CLEC11A: variants seen among roughly 807,000 people sequenced by gnomAD.
CLEC11A encodes the protein C-type lectin domain family 11 member A.
CLEC11A carries 35 observed loss-of-function variants against 33.9 expected under a neutral mutation model. The observed-to-expected ratio is 1.03, with a 90% CI of 0.79 to 1.37. The LOEUF (loss-of-function observed/expected upper bound fraction) is 1.37, where lower values mean the gene tolerates loss of function less well. Ranked by LOEUF, CLEC11A falls within the 40% of genes most tolerant of loss-of-function variation. The probability of loss-of-function intolerance (pLI) is 0.00; values close to 1 mark genes in which losing one functional copy is unlikely to be tolerated. For synonymous variants in CLEC11A, 220 were observed against 202.2 expected, an observed-to-expected ratio of 1.09 and a Z score of -0.75; for missense variants, 519 against 455.5, an observed-to-expected ratio of 1.14 and a Z score of -1.27.
rs1476620489 is a variant in CLEC11A at position 50,724,119 on chromosome 19, A to G, written c.334+28A>G. On this transcript the variant is annotated intron_variant, in intron 2 of 3. Coordinates refer to ENST00000250340, the MANE Select transcript of CLEC11A (RefSeq NM_002975.3). This position sits in a 1 kb window ranked among gnomAD's most constrained non-coding sequence, Gnocchi z 4.1. ...GAGTAACCAGAAGCCCTCACCCCCA[A>G]ACTCCTAGGCCGCCGCGGTCACTTT... is the stretch of plus-strand genomic sequence containing the variant. 1 of 1,608,986 alleles carries G rather than the reference A, an allele frequency of 6.2e-7. No individual in the cohort carries two copies. The highest frequency in any genetic ancestry group is 1.7e-5 in the Admixed American group (1 of 57,858).
At position 50,725,150 on chromosome 19, in the gene CLEC11A, C is replaced by G. The variant is rs2089175888; in HGVS notation, c.655C>G (p.Gln219Glu). The G allele has an allele frequency of 6.4e-7, 1 of 1,560,022 alleles. No individual in the cohort carries two copies. Among genetic ancestry groups the G allele is most frequent in the Non-Finnish European group, 8.7e-7 (1 of 1,154,198 alleles). The change falls in exon 4 of 4, where the codon CAG becomes GAG. Residue 219 changes from glutamine (Q) to glutamate (E), a missense_variant. By Grantham distance (29) the Gln-to-Glu change is conservative. Transcript: ENST00000250340. ...GSLAQPADRQ[Q>E]MEALTRYLRA... ...CCTGGCGCAGCCGGCAGACCGCCAGCAGATGGAGGCGCTCACTCGGTACCT... is the reference window on the plus strand; with the variant it reads ...CCTGGCGCAGCCGGCAGACCGCCAGGAGATGGAGGCGCTCACTCGGTACCT...
chr19:50,724,738 A>G lies in CLEC11A; in HGVS notation c.526+137A>G. 8.4e-7 allele frequency: 1 copy of G among 1,194,062 alleles called. No homozygotes were observed. The allele number at this position is 1,194,062 out of a possible 1,614,324, so 74.0% of individuals were successfully genotyped here. A position where few individuals can be genotyped will look rare whatever the true frequency, so the allele number is the denominator to read the frequency against. On this transcript the variant is annotated intron_variant, in intron 3 of 3. Transcript: ENST00000250340. The surrounding 1 kb of genome is among the most constrained non-coding windows in gnomAD (Gnocchi z 4.1). ...TGTGTGCTAGCGGACGGGGTTAGAG[A>G]GCTGGGAGGCTGAATGCAGGGAGCG...
At position 50,725,082 on chromosome 19, in the gene CLEC11A, C is replaced by G. The variant is rs1403152315; in HGVS notation, c.587C>G (p.Ala196Gly). The part of the protein sequence containing the change: ...KCFLLSRDFE[A>G]QAAAQARCTA... ...TTCCTGCTCTCGCGCGACTTCGAAG[C>G]TCAGGCGGCGGCGCAGGCGCGGTGC... Residue 196 changes from alanine to glycine, a missense_variant, in exon 4 of 4, where the codon GCT (alanine) becomes GGT (glycine). By Grantham distance (60) the Ala-to-Gly change is moderately conservative. Transcript: ENST00000250340. 1 of 1,521,560 alleles carries G rather than the reference C, an allele frequency of 6.6e-7. No homozygotes were observed. The highest frequency in any genetic ancestry group is 8.8e-7 in the Non-Finnish European group (1 of 1,136,830). 94.3% of individuals were successfully genotyped at this position (1,521,560 alleles called of 1,614,324 possible).
Position 50,723,389 on chromosome 19 carries a change from G to A in CLEC11A, c.-137G>A, listed in dbSNP as rs1599880074. On this transcript the variant is annotated 5_prime_UTR_variant, in exon 1 of 4. Transcript: ENST00000250340. This position sits in a 1 kb window ranked among gnomAD's most constrained non-coding sequence, Gnocchi z 4.1. ...AGAGACGAGGAGAGGAACAGGAAGA[G>A]AGAAGCTGGGAGAATCGGGAACCTG... 1.2e-6 allele frequency: 1 copy of A among 821,506 alleles called. No individual in the cohort carries two copies. Among genetic ancestry groups the A allele is most frequent in the Non-Finnish European group, 2.0e-6 (1 of 498,852 alleles). 50.9% of individuals were successfully genotyped at this position (821,506 alleles called of 1,614,324 possible). A position where few individuals can be genotyped will look rare whatever the true frequency, so the allele number is the denominator to read the frequency against.
Position 50,724,337 on chromosome 19 carries a change from A to G in CLEC11A, c.335-73A>G. The G allele has an allele frequency of 3.6e-6, 3 of 843,254 alleles. No individual in the cohort carries two copies. Among genetic ancestry groups the G allele is most frequent in the Non-Finnish European group, 3.2e-6 (2 of 634,698 alleles). The allele number at this position is 843,254 out of a possible 1,614,324, so 52.2% of individuals were successfully genotyped here. ...CCCGCCCTCAGGAGCCCTAGATCCC[A>G]GTTCTCCAGGTCCTCAGGCCCCCCG... is the stretch of plus-strand genomic sequence containing the variant. On this transcript the variant is annotated intron_variant, in intron 2 of 3. Transcript: ENST00000250340. This position sits in a 1 kb window ranked among gnomAD's most constrained non-coding sequence, Gnocchi z 4.1.
chr19:50,724,688 G>C lies in CLEC11A; in HGVS notation c.526+87G>C, dbSNP rs1195741806. 7.7e-7 allele frequency: 1 copy of C among 1,303,096 alleles called. No homozygotes were observed. The highest frequency in any genetic ancestry group is 1.6e-5 in the African/African-American group (1 of 63,986). The allele number at this position is 1,303,096 out of a possible 1,614,324, so 80.7% of individuals were successfully genotyped here. A position where few individuals can be genotyped will look rare whatever the true frequency, so the allele number is the denominator to read the frequency against. The stretch of plus-strand genomic sequence containing the variant: ...TTGAGAAGGTGACCCTAGGTGTCCG[G>C]GGCGGGAGAGTTCGGGAGAGCTGCT... On this transcript the variant is annotated intron_variant, in intron 3 of 3. Coordinates refer to ENST00000250340, the MANE Select transcript of CLEC11A (RefSeq NM_002975.3). This position sits in a 1 kb window ranked among gnomAD's most constrained non-coding sequence, Gnocchi z 4.1.
chr19:50,724,765 G>A lies in CLEC11A; in HGVS notation c.526+164G>A, dbSNP rs938549357. On this transcript the variant is annotated intron_variant, in intron 3 of 3. Coordinates refer to ENST00000250340, the MANE Select transcript of CLEC11A (RefSeq NM_002975.3). This position sits in a 1 kb window ranked among gnomAD's most constrained non-coding sequence, Gnocchi z 4.1. ...CTGGGAGGCTGAATGCAGGGAGCGG[G>A]TGGGCACTCCAGACCCGCGCGGACC... is the stretch of plus-strand genomic sequence containing the variant. Among the ~76,000 whole-genome samples the A allele has an allele frequency of 2.0e-5, 3 of 152,038 alleles. No homozygotes were observed. Among genetic ancestry groups the A allele is most frequent in the East Asian group, 1.9e-4 (1 of 5,148 alleles).
Position 50,725,473 on chromosome 19 carries a change from C to T in CLEC11A, c.*6C>T, listed in dbSNP as rs761384041. Reference sequence around the variant, plus strand: ...TCTGCGAGTTCCCCTTCTAGCGGGGCCGGTACCCCGCCTCCCTGCCCATCC... The same window carrying T: ...TCTGCGAGTTCCCCTTCTAGCGGGGTCGGTACCCCGCCTCCCTGCCCATCC... On this transcript the variant is annotated 3_prime_UTR_variant, in exon 4 of 4. Coordinates refer to ENST00000250340, the MANE Select transcript of CLEC11A (RefSeq NM_002975.3). The T allele has an allele frequency of 5.1e-6, 8 of 1,582,560 alleles. No individual in the cohort carries two copies. Among genetic ancestry groups the T allele is most frequent in the African/African-American group, 1.4e-5 (1 of 74,064 alleles).
chr19:50,725,613 C>A lies in CLEC11A; in HGVS notation c.*146C>A. On this transcript the variant is annotated 3_prime_UTR_variant, in exon 4 of 4. Transcript: ENST00000250340. ...CCCAGTCTGGGCGCTTCTGGGAGGGCTCTTGCGGTGCCGGCACTCCTCCTT... is the reference window on the plus strand; with the variant it reads ...CCCAGTCTGGGCGCTTCTGGGAGGGATCTTGCGGTGCCGGCACTCCTCCTT... 1.4e-6 allele frequency: 2 copies of A among 1,379,736 alleles called. No individual in the cohort carries two copies. The highest frequency in any genetic ancestry group is 1.9e-6 in the Non-Finnish European group (2 of 1,043,008). 85.5% of individuals were successfully genotyped at this position (1,379,736 alleles called of 1,614,324 possible).
rs539869530 is a variant in CLEC11A at position 50,723,475 on chromosome 19, C to G, written c.-51C>G. ...GGCAGTTCCCAGAGGCCACCCCTCC[C>G]ACCCCAGACATCCAGACATCTGGAA... On this transcript the variant is annotated 5_prime_UTR_variant, in exon 1 of 4. Coordinates refer to ENST00000250340, the MANE Select transcript of CLEC11A (RefSeq NM_002975.3). This position sits in a 1 kb window ranked among gnomAD's most constrained non-coding sequence, Gnocchi z 4.1. The G allele has an allele frequency of 3.7e-5, 60 of 1,606,252 alleles. No homozygotes were observed. Among genetic ancestry groups the G allele is most frequent in the Non-Finnish European group, 4.9e-5 (58 of 1,175,532 alleles).
In CLEC11A at chr19:50,724,833, G is replaced by T; in HGVS notation, c.527-189G>T. On this transcript the variant is annotated intron_variant, in intron 3 of 3. Transcript: ENST00000250340. The surrounding 1 kb of genome is among the most constrained non-coding windows in gnomAD (Gnocchi z 4.1). ...CGCCCCCTACAGTCCAGCTCCCACCGCCTGGCCCCGCCCCTGGCGGACCAG... is the reference window on the plus strand; with the variant it reads ...CGCCCCCTACAGTCCAGCTCCCACCTCCTGGCCCCGCCCCTGGCGGACCAG... 3 of 1,376,714 alleles carry T rather than the reference G, an allele frequency of 2.2e-6. No homozygotes were observed. In the South Asian group the frequency reaches 4.8e-5, roughly 22 times the overall value. The allele number at this position is 1,376,714 out of a possible 1,614,324, so 85.3% of individuals were successfully genotyped here.
In CLEC11A at chr19:50,723,391, G is replaced by A; in HGVS notation, c.-135G>A. 3.6e-6 allele frequency: 3 copies of A among 833,356 alleles called. No homozygotes were observed. Among genetic ancestry groups the A allele is most frequent in the Non-Finnish European group, 5.9e-6 (3 of 508,750 alleles). The allele number at this position is 833,356 out of a possible 1,614,324, so 51.6% of individuals were successfully genotyped here. On this transcript the variant is annotated 5_prime_UTR_variant, in exon 1 of 4. Coordinates refer to ENST00000250340, the MANE Select transcript of CLEC11A (RefSeq NM_002975.3). The surrounding 1 kb of genome is among the most constrained non-coding windows in gnomAD (Gnocchi z 4.1). Reference sequence around the variant, plus strand: ...AGACGAGGAGAGGAACAGGAAGAGAGAAGCTGGGAGAATCGGGAACCTGGG... The same window carrying A: ...AGACGAGGAGAGGAACAGGAAGAGAAAAGCTGGGAGAATCGGGAACCTGGG...
chr19:50,725,326 C>A lies in CLEC11A; in HGVS notation c.831C>A (p.Ser277Arg), dbSNP rs1234128094. ...SPRPELGAQPSASPHPLSPDQ... is the reference protein window; with the variant it reads ...SPRPELGAQPRASPHPLSPDQ... ...GCCCCGAGCTCGGCGCCCAGCCCAG[C>A]GCCTCGCCGCATCCGCTCAGCCCGG... Residue 277 changes from serine (S) to arginine (R), a missense_variant, in exon 4 of 4, where the codon AGC becomes AGA. Physicochemically the swap from Ser to Arg is moderately radical, Grantham distance 110. Coordinates refer to ENST00000250340, the MANE Select transcript of CLEC11A (RefSeq NM_002975.3). 23 of 1,611,968 alleles carry A rather than the reference C, an allele frequency of 1.4e-5. No homozygotes were observed. Among genetic ancestry groups the A allele is most frequent in the Non-Finnish European group, 1.8e-5 (21 of 1,179,420 alleles).
Position 50,724,692 on chromosome 19 carries a change from G to A in CLEC11A, c.526+91G>A. On this transcript the variant is annotated intron_variant, in intron 3 of 3. Transcript: ENST00000250340. This position sits in a 1 kb window ranked among gnomAD's most constrained non-coding sequence, Gnocchi z 4.1. ...GAAGGTGACCCTAGGTGTCCGGGGCGGGAGAGTTCGGGAGAGCTGCTGTGT... is the reference window on the plus strand; with the variant it reads ...GAAGGTGACCCTAGGTGTCCGGGGCAGGAGAGTTCGGGAGAGCTGCTGTGT... 1.6e-6 allele frequency: 2 copies of A among 1,243,710 alleles called. No individual in the cohort carries two copies. Among genetic ancestry groups the A allele is most frequent in the South Asian group, 1.8e-5 (1 of 55,340 alleles). The allele number at this position is 1,243,710 out of a possible 1,614,324, so 77.0% of individuals were successfully genotyped here.
rs1431279948 is a variant in CLEC11A at position 50,723,584 on chromosome 19, A to T, written c.59A>T (p.His20Leu). The part of the protein sequence containing the change: ...LVVPQLLGFG[H>L]GARGAEREWE... ...GTCCCCCAGCTCTTGGGCTTTGGCCATGGGGCTCGGGGAGCAGAGAGGGAG... is the reference window on the plus strand; with the variant it reads ...GTCCCCCAGCTCTTGGGCTTTGGCCTTGGGGCTCGGGGAGCAGAGAGGGAG... Residue 20 changes from histidine (H) to leucine (L), a missense_variant, in exon 1 of 4, where the codon CAT becomes CTT. Physicochemically the swap from His to Leu is moderately conservative, Grantham distance 99 (BLOSUM62 -3). Coordinates refer to ENST00000250340, the MANE Select transcript of CLEC11A (RefSeq NM_002975.3). The surrounding 1 kb of genome is among the most constrained non-coding windows in gnomAD (Gnocchi z 4.1). The T allele has an allele frequency of 6.2e-7, 1 of 1,612,212 alleles. No individual in the cohort carries two copies. Among genetic ancestry groups the T allele is most frequent in the South Asian group, 1.1e-5 (1 of 90,974 alleles).
Position 50,724,917 on chromosome 19 carries a change from A to C in CLEC11A, c.527-105A>C, listed in dbSNP as rs943047210. ...ACGCCTCCTCCCAGCCCTCCCCATGAGTTCCTGGCCCCGCCTCCCTCCACC... is the reference window on the plus strand; with the variant it reads ...ACGCCTCCTCCCAGCCCTCCCCATGCGTTCCTGGCCCCGCCTCCCTCCACC... On this transcript the variant is annotated intron_variant, in intron 3 of 3. Coordinates refer to ENST00000250340, the MANE Select transcript of CLEC11A (RefSeq NM_002975.3). The surrounding 1 kb of genome is among the most constrained non-coding windows in gnomAD (Gnocchi z 4.1). 7.2e-7 allele frequency: 1 copy of C among 1,382,434 alleles called. No homozygotes were observed. The highest frequency in any genetic ancestry group is 9.4e-7 in the Non-Finnish European group (1 of 1,069,392). 85.6% of individuals were successfully genotyped at this position (1,382,434 alleles called of 1,614,324 possible).
Position 50,723,572 on chromosome 19 carries a change from T to C in CLEC11A, c.47T>C (p.Leu16Ser), listed in dbSNP as rs568315180. ...LLGALVVPQL[L>S]GFGHGARGAE... Reference sequence around the variant, plus strand: ...GGGGCTTTGGTGGTCCCCCAGCTCTTGGGCTTTGGCCATGGGGCTCGGGGA... The same window carrying C: ...GGGGCTTTGGTGGTCCCCCAGCTCTCGGGCTTTGGCCATGGGGCTCGGGGA... The change falls in exon 1 of 4, where the codon TTG becomes TCG. Residue 16 changes from leucine (L) to serine (S), a missense_variant. Transcript: ENST00000250340. The surrounding 1 kb of genome is among the most constrained non-coding windows in gnomAD (Gnocchi z 4.1). 6 of 1,612,358 alleles carry C rather than the reference T, an allele frequency of 3.7e-6. No homozygotes were observed. In the African/African-American group the frequency reaches 8.0e-5, roughly 22 times the overall value.
rs774318485 is a variant in CLEC11A at position 50,723,959 on chromosome 19, G to A, written c.202G>A (p.Gly68Arg). The A allele has an allele frequency of 8.7e-6, 14 of 1,613,514 alleles. No homozygotes were observed. Among genetic ancestry groups the A allele is most frequent in the African/African-American group, 6.7e-5 (5 of 74,838 alleles). ...TGGGAGGGGGGATGAGAATCCTGCC[G>A]GAACTGTTGAGGGAAAAGAGGACTG... ...PAGRGDENPA[G>R]TVEGKEDWEM... The change falls in exon 2 of 4, where the codon GGA becomes AGA. Residue 68 changes from glycine to arginine, a missense_variant. Gly to Arg is a moderately radical substitution (Grantham distance 125). Coordinates refer to ENST00000250340, the MANE Select transcript of CLEC11A (RefSeq NM_002975.3). This position sits in a 1 kb window ranked among gnomAD's most constrained non-coding sequence, Gnocchi z 4.1.
In CLEC11A at chr19:50,723,699, T is replaced by G; in HGVS notation, c.147+27T>G. The G allele has an allele frequency of 6.4e-7, 1 of 1,554,044 alleles. No individual in the cohort carries two copies. Among genetic ancestry groups the G allele is most frequent in the Non-Finnish European group, 8.7e-7 (1 of 1,152,426 alleles). ...TGAGCTCTGGAGTGTCAGGGAGCTA[T>G]GGGTGGTGAACTGTGGGTCTGGGAG... On this transcript the variant is annotated intron_variant, in intron 1 of 3. Coordinates refer to ENST00000250340, the MANE Select transcript of CLEC11A (RefSeq NM_002975.3). The surrounding 1 kb of genome is among the most constrained non-coding windows in gnomAD (Gnocchi z 4.1).
Sources: allele counts gnomAD v4.1 joint callset (sites outside exome capture counted in the v4.1 genomes callset), GRCh38; gene constraint gnomAD v4.1.1; non-coding constraint Gnocchi (gnomAD v3.1); transcripts MANE v1.5; gene names NCBI Gene and HGNC (gene_info 2026-07-23, HGNC 2026-07-21).